Variants in CIAO3 observed in about 807,000 individuals in gnomAD.
The protein encoded by CIAO3 is cytosolic iron-sulfur assembly component 3.
Under a neutral mutation model 51.5 loss-of-function variants are expected in CIAO3, and 45 were observed. That is an observed-to-expected ratio of 0.87 (90% CI 0.69 to 1.12). The LOEUF is 1.12. Ranked by LOEUF, CIAO3 falls within the 50% of genes most tolerant of loss-of-function variation. The pLI, the probability that CIAO3 is intolerant of heterozygous loss-of-function variation, is 0.00. For missense variants in CIAO3, 668 were observed against 632.5 expected (o/e 1.06, Z -0.60); for synonymous variants, 314 against 269.3 (o/e 1.17, Z -1.63).
chr16:733,176 G>C lies in CIAO3; in HGVS notation c.823+122C>G, dbSNP rs539591334. ...GAGACGAAGGTACGTGCACGCATGC[G>C]AGCCCCCACACTCCAGCCAGGGCCC... is the stretch of plus-strand genomic sequence containing the variant. On this transcript the variant is annotated intron_variant, in intron 7 of 10. Transcript: ENST00000251588. 1.5e-5 allele frequency: 19 copies of C among 1,301,900 alleles called. 1 individual carries two copies. In the South Asian group the frequency reaches 2.7e-4, roughly 18 times the overall value. The allele number at this position is 1,301,900 out of a possible 1,614,324, so 80.6% of individuals were successfully genotyped here.
intron 5 of CIAO3, 108 bp from the exon 6 acceptor site, chr16:734,455 T>C (rs2041317648): frequency 2.3e-6 from 2 of 874,054 alleles, no homozygotes; most frequent in South Asian, 3.1e-5. Context: ...CAGGAGATCA[T>C]GATGACATTA....
intron 2 of CIAO3, among the ~76,000 whole-genome samples, chr16:738,837 G>T (rs1203925206): frequency 6.7e-6 from 1 of 149,026 alleles, no homozygotes; most frequent in Non-Finnish European, 1.5e-5. Context: ...TAGTACAGAT[G>T]GGGGTTGGCC....
At chr16:733,896 G>T (rs1171113901) in intron 6 of CIAO3, 9 of 392,206 alleles carry the variant, frequency 2.3e-5, no homozygotes, top group South Asian at 2.0e-4. Flanking sequence ...CTTCTATCCC[G>T]CTGGGCCTCA....
intron 8 of CIAO3, 46 bp from the exon 9 acceptor site, chr16:731,748 C>T: frequency 3.3e-6 from 5 of 1,496,638 alleles, no homozygotes; most frequent in Non-Finnish European, 4.4e-6. Context: ...CTGCTGCCTG[C>T]CAACCTCCCG....
intron 6 of CIAO3, chr16:733,927 T>A (rs1249339045): frequency 2.4e-6 from 1 of 425,050 alleles, no homozygotes; most frequent in African/African-American, 2.0e-5. Flanking sequence ...GTGCTGGGCA[T>A]CCTCGTGGAC....
chr16:740,495 G>A (rs2151605231), intron 1 of CIAO3: 1 of 299,578 alleles, frequency 3.3e-6, no homozygotes, highest in East Asian at 9.1e-5. Flanking sequence ...GGCCTGACAA[G>A]GCGTCCTGCG....
Position 737,789 on chromosome 16 carries a change from C to G in CIAO3, c.163-460G>C, listed in dbSNP as rs2041354592. ...GAGGGAGGAAGCCTGGGAGCCTGGCCTCCGGTGGGCGGGGCAGAAACAACC... is the reference window on the plus strand; with the variant it reads ...GAGGGAGGAAGCCTGGGAGCCTGGCGTCCGGTGGGCGGGGCAGAAACAACC... On this transcript the variant is annotated intron_variant, in intron 2 of 10. Coordinates refer to ENST00000251588, the MANE Select transcript of CIAO3 (RefSeq NM_022493.3). The surrounding 1 kb of genome is among the most constrained non-coding windows in gnomAD (Gnocchi z 5.3). The G allele has an allele frequency of 8.3e-7, 1 of 1,207,138 alleles. No homozygotes were observed. The highest frequency in any genetic ancestry group is 1.6e-5 in the African/African-American group (1 of 63,116). 74.8% of individuals were successfully genotyped at this position (1,207,138 alleles called of 1,614,324 possible). A position where few individuals can be genotyped will look rare whatever the true frequency, so the allele number is the denominator to read the frequency against.
chr16:734,412 C>A, intron 5 of CIAO3, 65 bp from the exon 6 acceptor site: 5 of 1,200,804 alleles, frequency 4.2e-6, no homozygotes, highest in Non-Finnish European at 5.9e-6. Context: ...CCACAGGCAG[C>A]AGCACGACAT....
chr16:730,220 G>A lies in CIAO3; in HGVS notation c.*197C>T. 3.3e-6 allele frequency: 2 copies of A among 615,128 alleles called. No homozygotes were observed. Among genetic ancestry groups the A allele is most frequent in the East Asian group, 5.5e-5 (2 of 36,190 alleles). The allele number at this position is 615,128 out of a possible 1,614,324, so 38.1% of individuals were successfully genotyped here. A position where few individuals can be genotyped will look rare whatever the true frequency, so the allele number is the denominator to read the frequency against. ...TGGGCCACCCCACCCCACCTGGGCA[G>A]AGCCAGTGGGAACCCAGAGGCACCC... is the stretch of plus-strand genomic sequence containing the variant. On this transcript the variant is annotated 3_prime_UTR_variant, in exon 11 of 11. Coordinates refer to ENST00000251588, the MANE Select transcript of CIAO3 (RefSeq NM_022493.3).
chr16:732,368 C>A lies in CIAO3; in HGVS notation c.829G>T (p.Val277Phe). Reference sequence around the variant, plus strand: ...CCCTCTTCCTCCAGCAACCTGAAAACTTCTCCTGCAAAGAAGCCACAGCGC... The same window carrying A: ...CCCTCTTCCTCCAGCAACCTGAAAAATTCTCCTGCAAAGAAGCCACAGCGC... ...DVDCVLTTGE[V>F]FRLLEEEGVS... Residue 277 changes from valine to phenylalanine, a missense_variant, in exon 8 of 11, where the codon GTT (valine) becomes TTT (phenylalanine). Physicochemically the swap from Val to Phe is conservative, Grantham distance 50. Coordinates refer to ENST00000251588, the MANE Select transcript of CIAO3 (RefSeq NM_022493.3). The A allele has an allele frequency of 6.2e-7, 1 of 1,612,838 alleles. No homozygotes were observed. The highest frequency in any genetic ancestry group is 8.5e-7 in the Non-Finnish European group (1 of 1,179,836).
rs942258222 is a variant in CIAO3 at position 730,878 on chromosome 16, G to A, written c.1157C>T (p.Pro386Leu). Residue 386 changes from proline to leucine, a missense_variant, in exon 10 of 11, where the codon CCC (proline) becomes CTC (leucine). Coordinates refer to ENST00000251588, the MANE Select transcript of CIAO3 (RefSeq NM_022493.3). ...GGCCATGACCTCCACGTAGTGGTAG[G>A]GGCAGCGCCCTCGTTTGAGCCTCTG... The part of the protein sequence containing the change: ...LVQRLKRGRC[P>L]YHYVEVMACP... 35 of 1,612,766 alleles carry A rather than the reference G, an allele frequency of 2.2e-5. No individual in the cohort carries two copies. Among genetic ancestry groups the A allele is most frequent in the Non-Finnish European group, 2.6e-5 (31 of 1,180,006 alleles).
At chr16:738,409 T>C in intron 2 of CIAO3, 1 of 817,058 alleles carries the variant, frequency 1.2e-6, no homozygotes, top group Non-Finnish European at 1.5e-6. Flanking sequence ...AGTGCAGTGG[T>C]GCGATCTCGG....
At chr16:739,456 G>A (rs897923345) in intron 2 of CIAO3, 187 bp downstream of exon 2, 3 of 628,688 alleles carry the variant, frequency 4.8e-6, no homozygotes, top group Admixed American at 2.5e-5. Flanking sequence ...CCTGGGTGCT[G>A]CTCATTCACC....
At position 730,383 on chromosome 16, in the gene CIAO3, A is replaced by G; in HGVS notation, c.*34T>C. The G allele has an allele frequency of 6.3e-7, 1 of 1,584,184 alleles. No individual in the cohort carries two copies. Among genetic ancestry groups the G allele is most frequent in the Non-Finnish European group, 8.6e-7 (1 of 1,167,470 alleles). ...CATGTGGTTCTGCTGTCACACATGG[A>G]CACGGCCTCCTGGGAGTCCTGGTCC... is the stretch of plus-strand genomic sequence containing the variant. On this transcript the variant is annotated 3_prime_UTR_variant, in exon 11 of 11. Coordinates refer to ENST00000251588, the MANE Select transcript of CIAO3 (RefSeq NM_022493.3).
intron 5 of CIAO3, 53 bp from the exon 6 acceptor site, chr16:734,400 A>T: frequency 7.6e-7 from 1 of 1,312,906 alleles, no homozygotes. Context: ...CGGCCCCCGC[A>T]CCCACAGGCA....
At chr16:739,455 T>C (rs1268646912) in intron 2 of CIAO3, 188 bp downstream of exon 2, 1 of 627,646 alleles carries the variant, frequency 1.6e-6, no homozygotes, top group Non-Finnish European at 2.9e-6. Flanking sequence ...GCCTGGGTGC[T>C]GCTCATTCAC....
At chr16:732,845 C>T (rs1848669837) in intron 7 of CIAO3, 1 of 322,758 alleles carries the variant, frequency 3.1e-6, no homozygotes. Flanking sequence ...ATCATCTCGG[C>T]CAGGCTGGTC....
Position 740,915 on chromosome 16 carries a change from C to A in CIAO3, c.66+5G>T. ...CCTCGACCCCGCCCGCCCAGGCCGG[C>A]CCACCTGAGACGGCCCGATGAAGTC... On this transcript the variant is annotated splice_donor_5th_base_variant and intron_variant, in intron 1 of 10. Transcript: ENST00000251588. The A allele has an allele frequency of 6.5e-7, 1 of 1,529,286 alleles. No homozygotes were observed. Among genetic ancestry groups the A allele is most frequent in the Middle Eastern group, 1.8e-4 (1 of 5,444 alleles). The allele number at this position is 1,529,286 out of a possible 1,614,324, so 94.7% of individuals were successfully genotyped here.
rs2041374469 is a variant in CIAO3 at position 739,877 on chromosome 16, C to G, written c.67-139G>C. Reference sequence around the variant, plus strand: ...CATGCACTCAGGGACTGAGGCTGGTCCCACCGTCTTCTTCCTGCCCCACTG... The same window carrying G: ...CATGCACTCAGGGACTGAGGCTGGTGCCACCGTCTTCTTCCTGCCCCACTG... On this transcript the variant is annotated intron_variant, in intron 1 of 10. Coordinates refer to ENST00000251588, the MANE Select transcript of CIAO3 (RefSeq NM_022493.3). The G allele has an allele frequency of 2.5e-6, 3 of 1,207,800 alleles. No individual in the cohort carries two copies. In the South Asian group the frequency reaches 4.1e-5, roughly 17 times the overall value. The allele number at this position is 1,207,800 out of a possible 1,614,324, so 74.8% of individuals were successfully genotyped here. A position where few individuals can be genotyped will look rare whatever the true frequency, so the allele number is the denominator to read the frequency against.
Sources: gnomAD v4.1 joint callset for allele counts (sites outside exome capture counted in the v4.1 genomes callset) on GRCh38, gnomAD v4.1.1 for gene constraint, Gnocchi (gnomAD v3.1) non-coding constraint, MANE v1.5 for transcripts, NCBI Gene and HGNC (gene_info 2026-07-23, HGNC 2026-07-21) for gene names.